The following CLN5 variants were observed in gnomAD, a reference collection of about 807,000 sequenced individuals.
The protein encoded by CLN5 is CLN5 lysosomal BMP synthase.
CLN5 carries 34 observed loss-of-function variants against 36.7 expected under a neutral mutation model. The ratio of observed to expected loss-of-function variants is 0.93; its 90% CI spans 0.71 to 1.23. The LOEUF (loss-of-function observed/expected upper bound fraction) is 1.23. CLN5 is among the 50% of genes most tolerant of loss of function. The pLI is 0.00. For missense variants in CLN5, 427 were observed against 439.4 expected (o/e 0.97, Z 0.25); for synonymous variants, 151 against 155.1 (o/e 0.97, Z 0.20).
intron 3 of CLN5, chr13:76,996,919 CA>C (rs2034277263): frequency 6.6e-6 from 1 of 152,188 alleles, no homozygotes; most frequent in African/African-American, 2.4e-5. Flanking sequence ...TTCCTAGCAG[CA>C]GAGAAGAAGT....
At chr13:76,992,466 G>C in intron 1 of CLN5, 195 bp downstream of exon 1, 2 of 631,846 alleles carry the variant, frequency 3.2e-6, no homozygotes, top group South Asian at 3.9e-5. Flanking sequence ...CTCGTTACGT[G>C]CAGCCCTGGG....
rs1356268610 is a variant in CLN5, at chr13:77,004,201, G to C, written c.*3232G>C. The C allele has an allele frequency of 2.0e-5, 3 of 152,144 alleles. No individual in the cohort carries two copies. Among genetic ancestry groups the C allele is most frequent in the Non-Finnish European group, 4.4e-5 (3 of 68,030 alleles). The allele number at this position is 152,144 out of a possible 1,614,324, so 9.4% of individuals were successfully genotyped here. On this transcript the variant is annotated 3_prime_UTR_variant, in exon 4 of 4. Coordinates refer to ENST00000377453, the MANE Select transcript of CLN5 (RefSeq NM_006493.4). Reference sequence around the variant, plus strand: ...CTTAGGAAGTCTTATCCAGTTTTATGGTCTGCTGTGGTGGCACTTAATGAA... The same window carrying C: ...CTTAGGAAGTCTTATCCAGTTTTATCGTCTGCTGTGGTGGCACTTAATGAA...
chr13:76,992,186 C>G lies in CLN5; in HGVS notation c.88C>G (p.Leu30Val), dbSNP rs1416644100. Residue 30 changes from leucine to valine, a missense_variant, in exon 1 of 4, where the codon CTG becomes GTG. Leu to Val is a conservative substitution (Grantham distance 32). Coordinates refer to ENST00000377453, the MANE Select transcript of CLN5 (RefSeq NM_006493.4). ...GGGACGCGCTTCCTGGTGCTGGGCCCTGGCGCTGCTTTGGCTCGCGGTGGT... is the reference window on the plus strand; with the variant it reads ...GGGACGCGCTTCCTGGTGCTGGGCCGTGGCGCTGCTTTGGCTCGCGGTGGT... ...ARGRASWCWA[L>V]ALLWLAVVPG... 3.7e-6 allele frequency: 6 copies of G among 1,605,394 alleles called. No individual in the cohort carries two copies. Among genetic ancestry groups the G allele is most frequent in the East Asian group, 2.2e-5 (1 of 44,774 alleles).
At position 77,003,777 on chromosome 13, in the gene CLN5, T is replaced by G. The variant is rs2034401645; in HGVS notation, c.*2808T>G. 6.6e-6 allele frequency: 1 copy of G among 152,236 alleles called. No individual in the cohort carries two copies. Among genetic ancestry groups the G allele is most frequent in the Non-Finnish European group, 1.5e-5 (1 of 68,126 alleles). The allele number at this position is 152,236 out of a possible 1,614,324, so 9.4% of individuals were successfully genotyped here. On this transcript the variant is annotated 3_prime_UTR_variant, in exon 4 of 4. Transcript: ENST00000377453. Reference sequence around the variant, plus strand: ...GCCTGGCCAACATGGTGAAACCCCGTCTCTACTGAAAATACAAAAATTAGC... The same window carrying G: ...GCCTGGCCAACATGGTGAAACCCCGGCTCTACTGAAAATACAAAAATTAGC...
At chr13:77,000,383 T>TACAA in intron 3 of CLN5, 75 bp from the exon 4 acceptor site, 1 of 1,178,718 alleles carries the variant, frequency 8.5e-7, no homozygotes, top group African/African-American at 1.7e-5. Context: ...AGACCTGTCT[T>TACAA]AAAAAAAAAA....
intron 3 of CLN5, chr13:76,997,028 A>T (rs1466885227): frequency 6.6e-6 from 1 of 151,424 alleles, no homozygotes; most frequent in African/African-American, 2.4e-5. Context: ...TGTGGTTTTG[A>T]TTTGCATTTC....
intron 3 of CLN5, 27 bp downstream of exon 3, chr13:76,996,154 T>C: frequency 6.5e-7 from 1 of 1,543,012 alleles, no homozygotes; most frequent in Non-Finnish European, 9.0e-7. Flanking sequence ...TAGCAATATT[T>C]GATCATTGCA....
rs1593911173 is a variant in CLN5, at chr13:76,996,051, T to C, written c.489T>C (p.Ala163=). ...MDAPFWCNQG[A]ACFFEGIDDV... ...CCCCTTTCTGGTGTAATCAAGGCGC[T>C]GCCTGCTTTTTTGAGGGAATTGATG... Residue 163 remains alanine (A), a synonymous_variant, in exon 3 of 4, where the codon GCT becomes GCC. Transcript: ENST00000377453. 6.2e-7 allele frequency: 1 copy of C among 1,614,036 alleles called. No homozygotes were observed. The highest frequency in any genetic ancestry group is 1.1e-5 in the South Asian group (1 of 91,080).
In CLN5 at chr13:77,004,662, T is replaced by G. The variant is rs910321171; in HGVS notation, c.*3693T>G. 1 of 151,922 alleles carries G rather than the reference T, an allele frequency of 6.6e-6. No homozygotes were observed. The allele number at this position is 151,922 out of a possible 1,614,324, so 9.4% of individuals were successfully genotyped here. A position where few individuals can be genotyped will look rare whatever the true frequency, so the allele number is the denominator to read the frequency against. On this transcript the variant is annotated 3_prime_UTR_variant, in exon 4 of 4. Coordinates refer to ENST00000377453, the MANE Select transcript of CLN5 (RefSeq NM_006493.4). ...CTATCTATGTGTGGGGTAGAAATTATAGTGTGTTAAAGGACCTAGTGTAAA... is the reference window on the plus strand; with the variant it reads ...CTATCTATGTGTGGGGTAGAAATTAGAGTGTGTTAAAGGACCTAGTGTAAA...
chr13:76,996,067 G>A lies in CLN5; in HGVS notation c.505G>A (p.Gly169Arg), dbSNP rs1420822940. 1.2e-6 allele frequency: 2 copies of A among 1,613,964 alleles called. No individual in the cohort carries two copies. The highest frequency in any genetic ancestry group is 2.2e-5 in the East Asian group (1 of 44,888). The change falls in exon 3 of 4, where the codon GGA becomes AGA. Residue 169 changes from glycine to arginine, a missense_variant. Physicochemically the swap from Gly to Arg is moderately radical, Grantham distance 125 (BLOSUM62 -2). Coordinates refer to ENST00000377453, the MANE Select transcript of CLN5 (RefSeq NM_006493.4). ...CNQGAACFFE[G>R]IDDVHWKENG... ...TCAAGGCGCTGCCTGCTTTTTTGAG[G>A]GAATTGATGATGTTCACTGGAAGGA...
rs1171973623 is a variant in CLN5, at chr13:77,003,594, A to ATTTAC, written c.*2630_*2634dup. 1 of 152,182 alleles carries ATTTAC rather than the reference A, an allele frequency of 6.6e-6. No individual in the cohort carries two copies. Among genetic ancestry groups the ATTTAC allele is most frequent in the African/African-American group, 2.4e-5 (1 of 41,446 alleles). 9.4% of individuals were successfully genotyped at this position (152,182 alleles called of 1,614,324 possible). On this transcript the variant is annotated 3_prime_UTR_variant, in exon 4 of 4. Transcript: ENST00000377453. ...CCTTTGAGCAATATGACTTAATGTG[A>ATTTAC]TTTACTTTAATTATAACTTAAGTAC... is the stretch of plus-strand genomic sequence containing the variant.
Position 76,992,264 on chromosome 13 carries a change from C to G in CLN5, c.166C>G (p.Pro56Ala). ...CCCCTCCCGGCGCCACTGGCCGGTG[C>G]CCTACAAGTGAGTGCGGCGGCGCGC... ...GIPSRRHWPV[P>A]YKRFDFRPKP... The change falls in exon 1 of 4, where the codon CCC (proline) becomes GCC (alanine). Residue 56 changes from proline (P) to alanine (A), a missense_variant. By Grantham distance (27) the Pro-to-Ala change is conservative. Transcript: ENST00000377453. 1 of 1,573,632 alleles carries G rather than the reference C, an allele frequency of 6.4e-7. No homozygotes were observed. Among genetic ancestry groups the G allele is most frequent in the Non-Finnish European group, 8.6e-7 (1 of 1,166,628 alleles).
At chr13:76,995,453 C>T (rs2034249460) in intron 2 of CLN5, 1 of 560,770 alleles carries the variant, frequency 1.8e-6, no homozygotes, top group Non-Finnish European at 3.2e-6. Flanking sequence ...GAATCTGAAA[C>T]CAGCTCCTGT....
At position 76,995,928 on chromosome 13, in the gene CLN5, C is replaced by T. The variant is rs374025536; in HGVS notation, c.366C>T (p.Phe122=). ...AAATTATGCATGATGCCATTGGATT[C>T]AGAAGTACATTAACTGGCAAGAACT... ...HLKIMHDAIG[F]RSTLTGKNYT... Residue 122 remains phenylalanine, a synonymous_variant, in exon 3 of 4, where the codon TTC becomes TTT. Transcript: ENST00000377453. 4 of 1,613,960 alleles carry T rather than the reference C, an allele frequency of 2.5e-6. No individual in the cohort carries two copies. In the African/African-American group the frequency reaches 4.0e-5, roughly 16 times the overall value.
In CLN5 at chr13:77,000,443, G is replaced by A. The variant is rs963735922; in HGVS notation, c.566-15G>A. On this transcript the variant is annotated splice_polypyrimidine_tract_variant and intron_variant, in intron 3 of 3. Transcript: ENST00000377453. ...TTTGTTCACTAGGTGACTTTGTTTT[G>A]TTTTTTTAAACTAGGAAACATGTTC... 5 of 1,588,956 alleles carry A rather than the reference G, an allele frequency of 3.1e-6. No homozygotes were observed. The African/African-American group carries it at 5.5e-5, about 17-fold the overall frequency.
At chr13:76,995,000 A>C in intron 1 of CLN5, 63 bp from the exon 2 acceptor site, 2 of 1,515,408 alleles carry the variant, frequency 1.3e-6, no homozygotes, top group Non-Finnish European at 9.1e-7. Flanking sequence ...TGGATTCTAA[A>C]AGACGTGAGA....
rs946865826 is a variant in CLN5 at position 77,001,746 on chromosome 13, A to G, written c.*777A>G. ...CTTGCCTAATGTAGTTTATGTGCCAAACTTTCCAGGGTTTTGTAGTCACCT... is the reference window on the plus strand; with the variant it reads ...CTTGCCTAATGTAGTTTATGTGCCAGACTTTCCAGGGTTTTGTAGTCACCT... On this transcript the variant is annotated 3_prime_UTR_variant, in exon 4 of 4. Coordinates refer to ENST00000377453, the MANE Select transcript of CLN5 (RefSeq NM_006493.4). The G allele has an allele frequency of 1.3e-5, 2 of 152,244 alleles. No individual in the cohort carries two copies. The highest frequency in any genetic ancestry group is 2.1e-4 in the South Asian group (1 of 4,834). 9.4% of individuals were successfully genotyped at this position (152,244 alleles called of 1,614,324 possible). A position where few individuals can be genotyped will look rare whatever the true frequency, so the allele number is the denominator to read the frequency against.
intron 3 of CLN5, chr13:76,998,529 G>T (rs1212676956): frequency 6.6e-6 from 1 of 152,206 alleles, no homozygotes; most frequent in African/African-American, 2.4e-5. Context: ...TAATTATTCA[G>T]TGAACCCCAG....
intron 2 of CLN5, 65 bp from the exon 3 acceptor site, chr13:76,995,837 T>C (rs2034255380): frequency 8.3e-7 from 1 of 1,212,102 alleles, no homozygotes; most frequent in African/African-American, 1.5e-5. Context: ...CATTTTCTCC[T>C]ATCAGGTTAC....
Sources: gnomAD v4.1 joint callset for allele counts on GRCh38, gnomAD v4.1.1 for gene constraint, MANE v1.5 for transcripts, NCBI Gene and HGNC (gene_info 2026-07-23, HGNC 2026-07-21) for gene names.